Variants in SH2D4A observed in about 807,000 individuals in gnomAD.
The protein encoded by SH2D4A is SH2 domain containing 4A, also known as SH2 domain-containing protein 4A.
In SH2D4A, 70 loss-of-function variants were observed where a neutral mutation model predicts 64.7. The ratio of observed to expected loss-of-function variants is 1.08; its 90% CI spans 0.89 to 1.32. The LOEUF (loss-of-function observed/expected upper bound fraction) is 1.32. Ranked by LOEUF, SH2D4A falls within the 40% of genes most tolerant of loss-of-function variation. The pLI, the probability that SH2D4A is intolerant of heterozygous loss-of-function variation, is 0.00. For synonymous variants in SH2D4A, 268 were observed against 200.7 expected, an observed-to-expected ratio of 1.34 and a Z score of -2.83; for missense variants, 706 against 540.1, an observed-to-expected ratio of 1.31 and a Z score of -3.04.
At chr8:19,325,611 T>C (rs559147269) in intron 2 of SH2D4A, among the ~76,000 whole-genome samples, 5 of 152,294 alleles carry the variant, frequency 3.3e-5, no homozygotes, top group African/African-American at 1.2e-4. Flanking sequence ...TTCACTGATG[T>C]CCTCTCTCTA....
At chr8:19,378,251 T>G (rs1396899332) in intron 8 of SH2D4A, among the ~76,000 whole-genome samples, 1 of 152,214 alleles carries the variant, frequency 6.6e-6, no homozygotes, top group Non-Finnish European at 1.5e-5. Context: ...TTGACACATT[T>G]TAAGGGAGAT....
chr8:19,393,138 T>C (rs949409313), intron 8 of SH2D4A, among the ~76,000 whole-genome samples, 180 bp from the exon 9 acceptor site: 3 of 152,204 alleles, frequency 2.0e-5, no homozygotes, highest in Admixed American at 2.0e-4. Context: ...TGTTCATGTC[T>C]AATTAGCAAA....
chr8:19,392,917 AT>A (rs1266010163), intron 8 of SH2D4A, among the ~76,000 whole-genome samples: 1 of 151,714 alleles, frequency 6.6e-6, no homozygotes, highest in Middle Eastern at 3.2e-3. Flanking sequence ...AATTTTTTGT[AT>A]TTTTAGTAGA....
At chr8:19,340,601 C>CTTTTTTTTTT (rs535915285) in intron 4 of SH2D4A, among the ~76,000 whole-genome samples, 3 of 100,526 alleles carry the variant, frequency 3.0e-5, no homozygotes, top group East Asian at 2.8e-4. Flanking sequence ...TTCTTTCTTT[C>CTTTTTTTTTT]TTTTTTTTTT....
intron 4 of SH2D4A, among the ~76,000 whole-genome samples, chr8:19,349,490 T>C (rs1310385511): frequency 6.6e-6 from 1 of 152,196 alleles, no homozygotes; most frequent in Non-Finnish European, 1.5e-5. Context: ...AACTTCATAA[T>C]GTACAGCTGC....
At chr8:19,319,991 C>G (rs2052160941) in intron 2 of SH2D4A, among the ~76,000 whole-genome samples, 1 of 152,054 alleles carries the variant, frequency 6.6e-6, no homozygotes, top group African/African-American at 2.4e-5. Flanking sequence ...AAAAAGTCAC[C>G]TATGAGGTTT....
At chr8:19,354,568 A>T (rs987689708) in intron 4 of SH2D4A, among the ~76,000 whole-genome samples, 8 of 152,226 alleles carry the variant, frequency 5.3e-5, no homozygotes, top group Admixed American at 1.3e-4. Flanking sequence ...GGCAGTGAGC[A>T]TGCTGAAAGT....
intron 2 of SH2D4A, 126 bp from the exon 3 acceptor site, chr8:19,332,829 C>A: frequency 1.3e-6 from 1 of 762,254 alleles, no homozygotes; most frequent in Non-Finnish European, 1.9e-6. Context: ...GTTGGAAGTT[C>A]TTTGTCTCAT....
chr8:19,382,800 T>A (rs192283870), intron 8 of SH2D4A, among the ~76,000 whole-genome samples: 1 of 150,930 alleles, frequency 6.6e-6, no homozygotes, highest in Admixed American at 6.6e-5. Context: ...CTCTCTCTTT[T>A]CTCTCTTGCT....
intron 2 of SH2D4A, among the ~76,000 whole-genome samples, chr8:19,327,821 G>A (rs765492253): frequency 1.3e-5 from 2 of 152,148 alleles, no homozygotes; most frequent in Non-Finnish European, 2.9e-5. Flanking sequence ...CAGAGCACAC[G>A]CTGACTGCCG....
At chr8:19,368,927 A>G (rs1396546450) in intron 7 of SH2D4A, among the ~76,000 whole-genome samples, 1 of 152,066 alleles carries the variant, frequency 6.6e-6, no homozygotes, top group Non-Finnish European at 1.5e-5. Flanking sequence ...TAAAGGAAAA[A>G]CTTTCCATTT....
intron 1 of SH2D4A, among the ~76,000 whole-genome samples, chr8:19,318,677 C>G (rs975645634): frequency 2.0e-5 from 3 of 152,200 alleles, no homozygotes; most frequent in Non-Finnish European, 4.4e-5. Flanking sequence ...ACTCGGTGAC[C>G]TTCCAGAATG....
chr8:19,369,146 A>G (rs1205465348), intron 7 of SH2D4A, among the ~76,000 whole-genome samples: 2 of 152,036 alleles, frequency 1.3e-5, no homozygotes, highest in African/African-American at 2.4e-5. Flanking sequence ...TGATTCGTTT[A>G]TGTTGAACCA....
At chr8:19,364,922 G>A (rs980861689) in intron 7 of SH2D4A, among the ~76,000 whole-genome samples, 2 of 152,130 alleles carry the variant, frequency 1.3e-5, no homozygotes, top group African/African-American at 4.8e-5. Flanking sequence ...AAAAACTGTA[G>A]AAAAGTGCAA....
At chr8:19,326,624 C>G (rs749297649) in intron 2 of SH2D4A, among the ~76,000 whole-genome samples, 19 of 151,670 alleles carry the variant, frequency 1.3e-4, no homozygotes, top group Non-Finnish European at 2.2e-4. Context: ...TTCCCTTTCT[C>G]TCTGTTCTCT....
At chr8:19,389,076 C>T (rs932623770) in intron 8 of SH2D4A, among the ~76,000 whole-genome samples, 1 of 152,168 alleles carries the variant, frequency 6.6e-6, no homozygotes. Context: ...GAAACTGAGA[C>T]TGACTGCCTA....
In SH2D4A at chr8:19,357,202, G is replaced by T. The variant is rs746903326; in HGVS notation, c.514-1G>T. ...ATAAATGTGTTTCGTTTAATTTTTA[G>T]TCACTCTCCAGTTCTTCAAGAAATA... On this transcript the variant is annotated splice_acceptor_variant, in intron 4 of 9. Transcript: ENST00000265807. LOFTEE classifies it high-confidence loss of function. The T allele has an allele frequency of 3.7e-6, 6 of 1,611,312 alleles. No individual in the cohort carries two copies. In the Admixed American group the frequency reaches 6.7e-5, roughly 18 times the overall value.
chr8:19,360,528 C>T (rs867998149), intron 5 of SH2D4A, among the ~76,000 whole-genome samples: 4 of 152,062 alleles, frequency 2.6e-5, no homozygotes, highest in African/African-American at 7.2e-5. Context: ...GCAGGAGAAT[C>T]GCTTGAACCT....
Position 19,345,577 on chromosome 8 carries a change from G to A in SH2D4A, c.513+10720G>A, listed in dbSNP as rs375605095. ...CAGATGATGTATTCTTTGGTCAAGT[G>A]GCATTCCTATCCTGAGCTGGTTTTC... is the stretch of plus-strand genomic sequence containing the variant. On this transcript the variant is annotated intron_variant, in intron 4 of 9. Coordinates refer to ENST00000265807, the MANE Select transcript of SH2D4A (RefSeq NM_022071.4). Among the ~76,000 whole-genome samples the A allele has an allele frequency of 2.6e-4, 40 of 152,252 alleles. 1 individual carries two copies. The South Asian group carries it at 8.1e-3, about 31-fold the overall frequency.
Sources: gnomAD v4.1 joint callset for allele counts (sites outside exome capture counted in the v4.1 genomes callset) on GRCh38, gnomAD v4.1.1 for gene constraint, MANE v1.5 for transcripts, NCBI Gene and HGNC (gene_info 2026-07-23, HGNC 2026-07-21) for gene names.